Variants in UPP2 observed in about 807,000 individuals in gnomAD.
UPP2 encodes the protein UPase 2.
A neutral mutation model predicts 26.7 loss-of-function variants in UPP2; 23 were observed. The observed-to-expected ratio is 0.86, with a 90% CI of 0.62 to 1.22. UPP2 has a LOEUF of 1.22. Among genes scored for constraint, UPP2 ranks in the 50% most tolerant of loss-of-function variants. UPP2 has a pLI of 0.00. For missense variants in UPP2, 387 were observed against 396.7 expected, an observed-to-expected ratio of 0.98 and a Z score of 0.21; for synonymous variants, 127 against 141.3, an observed-to-expected ratio of 0.90 and a Z score of 0.72.
At chr2:158,028,616 G>A (rs558206749) in intron 3 of UPP2, among the ~76,000 whole-genome samples, 9 of 152,186 alleles carry the variant, frequency 5.9e-5, no homozygotes, top group Non-Finnish European at 7.4e-5. Flanking sequence ...ACATTTTCAG[G>A]TATCTTTTCA....
rs10186677 is a variant in UPP2 at position 158,121,416 on chromosome 2, A to C, written c.462A>C (p.Ala154=). The change falls in exon 5 of 7, where the codon GCA becomes GCC. Residue 154 remains alanine (A), a synonymous_variant. Transcript: ENST00000005756. ...RIGTSGGIGI[A]PGTVVITDIA... ...TTTATTCCCACATTGCAGGGATTGC[A>C]CCAGGGACTGTTGTAATAACGGATA... The C allele has an allele frequency of 2.9e-3, 4,641 of 1,612,452 alleles. 122 individuals are homozygous for C. The African/African-American group carries it at 0.053, about 18-fold the overall frequency.
intron 2 of UPP2, 53 bp from the exon 3 acceptor site, chr2:158,115,048 C>A (rs774231696): frequency 5.3e-6 from 8 of 1,503,398 alleles, no homozygotes; most frequent in South Asian, 2.7e-5. Flanking sequence ...GAAACTGACC[C>A]GTGGTTCTTA....
At chr2:158,099,706 G>C (rs545414021), upstream of UPP2, among the ~76,000 whole-genome samples, 1 of 152,282 alleles carries the variant, frequency 6.6e-6, no homozygotes, top group South Asian at 2.1e-4. Flanking sequence ...CATCAAGACT[G>C]TGCTTTCTTT....
At chr2:158,001,711 A>T (rs1683410114) in intron 2 of UPP2, among the ~76,000 whole-genome samples, 1 of 152,080 alleles carries the variant, frequency 6.6e-6, no homozygotes, top group South Asian at 2.1e-4. Flanking sequence ...TTCACAAAAC[A>T]TGTGTCTGCT....
At chr2:158,035,593 C>T (rs58232846) in intron 3 of UPP2, among the ~76,000 whole-genome samples, 6,204 of 152,262 alleles carry the variant, frequency 0.041, 417 homozygotes, top group African/African-American at 0.14. Context: ...GGGCACCATA[C>T]CCTACTACTG....
intron 3 of UPP2, among the ~76,000 whole-genome samples, chr2:158,031,784 G>A (rs1302972464): frequency 6.6e-6 from 1 of 152,204 alleles, no homozygotes; most frequent in Admixed American, 6.5e-5. Flanking sequence ...CCAGGTGACT[G>A]CATTTCCTAC....
At chr2:158,072,159 C>T (rs1220081503) in intron 3 of UPP2, among the ~76,000 whole-genome samples, 2 of 151,970 alleles carry the variant, frequency 1.3e-5, no homozygotes, top group East Asian at 1.9e-4. Context: ...AAGAGCCATT[C>T]GGCTTTACGT....
chr2:158,009,895 T>C (rs1683549293), intron 2 of UPP2, among the ~76,000 whole-genome samples: 1 of 152,232 alleles, frequency 6.6e-6, no homozygotes, highest in Admixed American at 6.5e-5. Flanking sequence ...TTTTGGATTT[T>C]CTAAAAACGT....
upstream of UPP2, among the ~76,000 whole-genome samples, chr2:158,097,063 T>C (rs1317124630): frequency 2.0e-5 from 3 of 151,966 alleles, no homozygotes; most frequent in Non-Finnish European, 4.4e-5. Flanking sequence ...TTAAATATTT[T>C]ATAGTTTTAA....
At position 158,136,004 on chromosome 2, in the gene UPP2, T is replaced by C. The variant is rs1267773155; in HGVS notation, c.*1114T>C. The C allele has an allele frequency of 6.6e-6, 1 of 152,216 alleles. No homozygotes were observed. The highest frequency in any genetic ancestry group is 1.5e-5 in the Non-Finnish European group (1 of 68,040). 9.4% of individuals were successfully genotyped at this position (152,216 alleles called of 1,614,324 possible). A position where few individuals can be genotyped will look rare whatever the true frequency, so the allele number is the denominator to read the frequency against. The stretch of plus-strand genomic sequence containing the variant: ...TGGATCCCAGAGCCATTGTCACACA[T>C]GACCGAATGGAGGCTTGGGGCAGGA... On this transcript the variant is annotated 3_prime_UTR_variant, in exon 7 of 7. Transcript: ENST00000005756.
At chr2:158,108,576 A>G (rs1042246370) in intron 2 of UPP2, among the ~76,000 whole-genome samples, 1 of 151,842 alleles carries the variant, frequency 6.6e-6, no homozygotes, top group African/African-American at 2.4e-5. Context: ...ACTCACATGT[A>G]TGTATCTCTC....
intron 6 of UPP2, among the ~76,000 whole-genome samples, chr2:158,127,200 A>G (rs1382185071): frequency 6.6e-6 from 1 of 152,220 alleles, no homozygotes. Flanking sequence ...TTGCATGACT[A>G]CCTACACTCA....
At chr2:158,105,132 GT>G (rs1683164385) in intron 1 of UPP2, among the ~76,000 whole-genome samples, 2 of 151,852 alleles carry the variant, frequency 1.3e-5, no homozygotes, top group African/African-American at 4.8e-5. Context: ...CCACTGTGGT[GT>G]GGGGGTAGAT....
chr2:158,026,642 C>T lies in UPP2; in HGVS notation c.147+10756C>T, dbSNP rs543745012. ...CCTGTGGCTCCAGGAGAGTGGCTTC[C>T]CAAAGTTGGCCACACAGAAAGAGTT... On this transcript the variant is annotated intron_variant, in intron 3 of 9. Transcript: ENST00000605860. Among the ~76,000 whole-genome samples, 10 of 152,226 alleles carry T rather than the reference C, an allele frequency of 6.6e-5. No homozygotes were observed. The South Asian group carries it at 2.1e-3, about 32-fold the overall frequency.
At chr2:158,097,519 C>A (rs765000552), upstream of UPP2, among the ~76,000 whole-genome samples, 3 of 152,100 alleles carry the variant, frequency 2.0e-5, no homozygotes, top group Non-Finnish European at 4.4e-5. Flanking sequence ...GAAAATATGT[C>A]ATTGTTTTGT....
At chr2:158,001,482 T>G (rs1301728649) in intron 2 of UPP2, among the ~76,000 whole-genome samples, 2 of 152,078 alleles carry the variant, frequency 1.3e-5, no homozygotes, top group Non-Finnish European at 2.9e-5. Context: ...TCTACCCTCT[T>G]TCTGATCTCC....
chr2:158,049,335 A>T (rs1027735879), intron 3 of UPP2, among the ~76,000 whole-genome samples: 23 of 152,216 alleles, frequency 1.5e-4, no homozygotes. Flanking sequence ...TCAAAACCAC[A>T]GCACCTGTGT....
At chr2:158,044,898 T>G (rs906532829) in intron 3 of UPP2, among the ~76,000 whole-genome samples, 1 of 152,194 alleles carries the variant, frequency 6.6e-6, no homozygotes, top group Non-Finnish European at 1.5e-5. Context: ...GTCCTCTCAC[T>G]TCTGACAAAT....
chr2:158,027,042 C>G (rs1259927510), intron 3 of UPP2, among the ~76,000 whole-genome samples: 1 of 152,144 alleles, frequency 6.6e-6, no homozygotes, highest in Non-Finnish European at 1.5e-5. Context: ...CATGGGAGTA[C>G]AATTCAAGAT....
Sources: gnomAD v4.1 joint callset for allele counts (sites outside exome capture counted in the v4.1 genomes callset) on GRCh38, gnomAD v4.1.1 for gene constraint, MANE v1.5 for transcripts, NCBI Gene and HGNC (gene_info 2026-07-23, HGNC 2026-07-21) for gene names.